ZDHHC18: variants seen among roughly 807,000 people sequenced by gnomAD.
ZDHHC18 encodes palmitoyltransferase ZDHHC18.
Under a neutral mutation model 37.5 loss-of-function variants are expected in ZDHHC18, and 23 were observed. The ratio of observed to expected loss-of-function variants is 0.61; its 90% CI spans 0.44 to 0.87. The LOEUF is 0.87. Among genes scored for constraint, ZDHHC18 ranks in the 40% least tolerant of loss-of-function variants. The probability of loss-of-function intolerance (pLI) is 0.00; values close to 1 mark genes in which losing one functional copy is unlikely to be tolerated. For synonymous variants in ZDHHC18, 185 were observed against 218.7 expected, an observed-to-expected ratio of 0.85 and a Z score of 1.36; for missense variants, 406 against 525.6, an observed-to-expected ratio of 0.77 and a Z score of 2.22.
chr1:26,852,520 G>A (rs1222949097), intron 6 of ZDHHC18, among the ~76,000 whole-genome samples: 5 of 152,186 alleles, frequency 3.3e-5, no homozygotes, highest in African/African-American at 7.2e-5. Flanking sequence ...CATCCGAAAC[G>A]TTTCCTCTGG....
At chr1:26,834,374 A>G (rs1263855509) in intron 2 of ZDHHC18, among the ~76,000 whole-genome samples, 1 of 152,204 alleles carries the variant, frequency 6.6e-6, no homozygotes, top group Admixed American at 6.5e-5. Flanking sequence ...GCAGGTGATC[A>G]CAGGGCCAGG....
Position 26,826,688 on chromosome 1 carries a change from A to T in ZDHHC18, c.-117A>T. Reference sequence around the variant, plus strand: ...GGCGGAGCGATGGCGGGGCCGCCCCAGTGAGTGAGCGAGCGAGCGCCGCGC... The same window carrying T: ...GGCGGAGCGATGGCGGGGCCGCCCCTGTGAGTGAGCGAGCGAGCGCCGCGC... On this transcript the variant is annotated 5_prime_UTR_variant, in exon 1 of 8. Transcript: ENST00000374142. The surrounding 1 kb of genome is among the most constrained non-coding windows in gnomAD (Gnocchi z 5.2). 2 of 287,432 alleles carry T rather than the reference A, an allele frequency of 7.0e-6. No individual in the cohort carries two copies. Among genetic ancestry groups the T allele is most frequent in the Non-Finnish European group, 1.0e-5 (2 of 195,432 alleles). The allele number at this position is 287,432 out of a possible 1,614,324, so 17.8% of individuals were successfully genotyped here. A position where few individuals can be genotyped will look rare whatever the true frequency, so the allele number is the denominator to read the frequency against.
chr1:26,848,630 C>T lies in ZDHHC18; in HGVS notation c.519C>T (p.Tyr173=), dbSNP rs762325505. The T allele has an allele frequency of 1.9e-6, 3 of 1,613,634 alleles. No homozygotes were observed. In the South Asian group the frequency reaches 3.3e-5, roughly 18 times the overall value. Residue 173 remains tyrosine, a synonymous_variant, in exon 3 of 8, where the codon TAC becomes TAT. Coordinates refer to ENST00000374142, the MANE Select transcript of ZDHHC18 (RefSeq NM_032283.3). ...KQIDNTGSST[Y]RPPPRTREVL... ...CAGACAACACAGGCAGTTCTACATA[C>T]CGGCCACCCCCTCGGACCCGGGAGG...
At chr1:26,846,124 GTGTGTGTATATATA>G (rs952183738) in intron 2 of ZDHHC18, among the ~76,000 whole-genome samples, 2 of 141,732 alleles carry the variant, frequency 1.4e-5, no homozygotes, top group Non-Finnish European at 3.2e-5. Context: ...ATATATATAT[GTGTGTGTATATATA>G]TGTGTGTATA....
At chr1:26,836,537 G>A (rs2124252349) in intron 2 of ZDHHC18, among the ~76,000 whole-genome samples, 1 of 150,932 alleles carries the variant, frequency 6.6e-6, no homozygotes, top group African/African-American at 2.4e-5. Context: ...TCTGCATCCC[G>A]CCTTGTACCT....
rs776925024 is a variant in ZDHHC18, at chr1:26,856,041, A to G, written c.*2198A>G. On this transcript the variant is annotated 3_prime_UTR_variant, in exon 8 of 8. Transcript: ENST00000374142. This position sits in a 1 kb window ranked among gnomAD's most constrained non-coding sequence, Gnocchi z 5.2. ...TACTGCCTTTCCACTCCGATCCCCA[A>G]TGAGTGCCCAGCTAAGAAAATGTTT... 7 of 349,844 alleles carry G rather than the reference A, an allele frequency of 2.0e-5. No homozygotes were observed. The highest frequency in any genetic ancestry group is 3.7e-5 in the Non-Finnish European group (6 of 162,184). 21.7% of individuals were successfully genotyped at this position (349,844 alleles called of 1,614,324 possible). A position where few individuals can be genotyped will look rare whatever the true frequency, so the allele number is the denominator to read the frequency against.
Position 26,826,738 on chromosome 1 carries a change from C to T in ZDHHC18, c.-67C>T. ...CGCGCCGCCGCTGCCACCTCCGCTGCTCGGCCCGGTCCCGGAGTGGCCCGG... is the reference window on the plus strand; with the variant it reads ...CGCGCCGCCGCTGCCACCTCCGCTGTTCGGCCCGGTCCCGGAGTGGCCCGG... On this transcript the variant is annotated 5_prime_UTR_variant, in exon 1 of 8. Transcript: ENST00000374142. The surrounding 1 kb of genome is among the most constrained non-coding windows in gnomAD (Gnocchi z 5.2). 1 of 830,156 alleles carries T rather than the reference C, an allele frequency of 1.2e-6. No individual in the cohort carries two copies. The highest frequency in any genetic ancestry group is 1.4e-6 in the Non-Finnish European group (1 of 690,600). The allele number at this position is 830,156 out of a possible 1,614,324, so 51.4% of individuals were successfully genotyped here.
At chr1:26,836,572 C>CTTT (rs753110980) in intron 2 of ZDHHC18, among the ~76,000 whole-genome samples, 1 of 139,382 alleles carries the variant, frequency 7.2e-6, no homozygotes, top group Non-Finnish European at 1.6e-5. Flanking sequence ...TTCTTTTTTT[C>CTTT]TTTTTTTTTT....
At chr1:26,833,617 G>A (rs1570666597) in intron 2 of ZDHHC18, among the ~76,000 whole-genome samples, 1 of 152,116 alleles carries the variant, frequency 6.6e-6, no homozygotes, top group Non-Finnish European at 1.5e-5. Flanking sequence ...TCAGACTGCT[G>A]TGTGGGTTCC....
intron 2 of ZDHHC18, among the ~76,000 whole-genome samples, chr1:26,836,694 G>C (rs12757707): frequency 1.3e-5 from 2 of 148,526 alleles, no homozygotes; most frequent in African/African-American, 4.9e-5. Flanking sequence ...TCAGCCTCCC[G>C]AGTAGCTGGG....
chr1:26,848,963 C>G (rs888894040), intron 3 of ZDHHC18, among the ~76,000 whole-genome samples: 6 of 152,138 alleles, frequency 3.9e-5, no homozygotes, highest in African/African-American at 1.4e-4. Context: ...TTGGCTTCAG[C>G]TCAGGATTGG....
At chr1:26,832,669 G>A in intron 2 of ZDHHC18, 62 bp downstream of exon 2, 1 of 1,579,126 alleles carries the variant, frequency 6.3e-7, no homozygotes, top group East Asian at 2.3e-5. Context: ...TGACTTGGGA[G>A]GAGGCCTGGT....
Position 26,848,590 on chromosome 1 carries a change from C to G in ZDHHC18, c.497-18C>G, listed in dbSNP as rs768116552. Reference sequence around the variant, plus strand: ...GCTGCCTTGGGCATTCCCCATCTTTCTCTCCTCCTTCCCTCAGACAACACA... The same window carrying G: ...GCTGCCTTGGGCATTCCCCATCTTTGTCTCCTCCTTCCCTCAGACAACACA... On this transcript the variant is annotated intron_variant, in intron 2 of 7. Coordinates refer to ENST00000374142, the MANE Select transcript of ZDHHC18 (RefSeq NM_032283.3). The G allele has an allele frequency of 2.5e-5, 40 of 1,602,672 alleles. No homozygotes were observed. The East Asian group carries it at 8.5e-4, about 34-fold the overall frequency.
intron 2 of ZDHHC18, among the ~76,000 whole-genome samples, chr1:26,847,237 G>A (rs4335393): frequency 0.71 from 107,358 of 151,798 alleles, 38,872 homozygotes; most frequent in East Asian, 1. Flanking sequence ...ACAGGGTCTT[G>A]CTCTGTCACC....
At chr1:26,839,695 G>T (rs1010368122) in intron 2 of ZDHHC18, among the ~76,000 whole-genome samples, 2 of 152,220 alleles carry the variant, frequency 1.3e-5, no homozygotes, top group Non-Finnish European at 2.9e-5. Context: ...AGCACACTTT[G>T]TAAGTCACTT....
At chr1:26,832,151 C>CTG (rs2081590986) in intron 1 of ZDHHC18, 2 of 331,814 alleles carry the variant, frequency 6.0e-6, no homozygotes, top group Admixed American at 9.0e-5. Context: ...GCCTGAAGCT[C>CTG]TGTGTGTAGA....
At chr1:26,828,614 A>G (rs902936846) in intron 1 of ZDHHC18, among the ~76,000 whole-genome samples, 4 of 152,132 alleles carry the variant, frequency 2.6e-5, no homozygotes, top group Admixed American at 1.3e-4. Context: ...CAGATCATGT[A>G]TCTGCAACTT....
chr1:26,830,040 A>T (rs2124245544), intron 1 of ZDHHC18, among the ~76,000 whole-genome samples: 1 of 152,212 alleles, frequency 6.6e-6, no homozygotes, highest in East Asian at 1.9e-4. Flanking sequence ...TATGGAGCAG[A>T]GTGTGACCCA....
intron 2 of ZDHHC18, among the ~76,000 whole-genome samples, chr1:26,839,301 G>C (rs754176125): frequency 2.8e-4 from 42 of 152,326 alleles, no homozygotes; most frequent in Middle Eastern, 3.4e-3. Flanking sequence ...AACAGCCCTG[G>C]AGTAGATCTT....
Sources: allele counts gnomAD v4.1 joint callset (sites outside exome capture counted in the v4.1 genomes callset), GRCh38; gene constraint gnomAD v4.1.1; non-coding constraint Gnocchi (gnomAD v3.1); transcripts MANE v1.5; gene names NCBI Gene and HGNC (gene_info 2026-07-23, HGNC 2026-07-21).